The following SGCZ variants were observed in gnomAD, a reference collection of about 807,000 sequenced individuals.
The protein encoded by SGCZ is sarcoglycan zeta.
In SGCZ, 40 loss-of-function variants were observed where a neutral mutation model predicts 41.3. The ratio of observed to expected loss-of-function variants is 0.97; its 90% CI spans 0.75 to 1.26. SGCZ has a LOEUF of 1.26. Among genes scored for constraint, SGCZ ranks in the 50% most tolerant of loss-of-function variants. The probability of loss-of-function intolerance (pLI) is 0.00; values close to 1 mark genes in which losing one functional copy is unlikely to be tolerated. For synonymous variants in SGCZ, 206 were observed against 137.5 expected, an observed-to-expected ratio of 1.50 and a Z score of -3.49; for missense variants, 552 against 369.8, an observed-to-expected ratio of 1.49 and a Z score of -4.04.
At chr8:14,998,050 A>G (rs1318486108) in intron 1 of SGCZ, among the ~76,000 whole-genome samples, 1 of 152,218 alleles carries the variant, frequency 6.6e-6, no homozygotes, top group Admixed American at 6.5e-5. Context: ...CCCTTTTGTC[A>G]GAAACATTAA....
At chr8:14,989,772 A>G (rs1312885596) in intron 1 of SGCZ, among the ~76,000 whole-genome samples, 1 of 152,190 alleles carries the variant, frequency 6.6e-6, no homozygotes, top group Non-Finnish European at 1.5e-5. Context: ...AATAAGAGAA[A>G]TAGAGTTTCA....
At chr8:14,927,325 G>A (rs1021790917) in intron 1 of SGCZ, among the ~76,000 whole-genome samples, 1 of 151,694 alleles carries the variant, frequency 6.6e-6, no homozygotes, top group Non-Finnish European at 1.5e-5. Flanking sequence ...TAGCCAGGAT[G>A]GTGTCGATTT....
intron 2 of SGCZ, among the ~76,000 whole-genome samples, chr8:14,400,869 A>T (rs1799051969): frequency 6.6e-6 from 1 of 152,170 alleles, no homozygotes; most frequent in Admixed American, 6.6e-5. Context: ...TTGCTTGTGG[A>T]TCTCCAAAGA....
At chr8:14,717,871 G>A (rs980302715) in intron 1 of SGCZ, among the ~76,000 whole-genome samples, 1 of 151,768 alleles carries the variant, frequency 6.6e-6, no homozygotes, top group African/African-American at 2.4e-5. Flanking sequence ...CTATAACTGT[G>A]ATTTTCCAAG....
chr8:14,354,603 G>A (rs1367635840), intron 2 of SGCZ, among the ~76,000 whole-genome samples: 2 of 151,490 alleles, frequency 1.3e-5, no homozygotes, highest in Non-Finnish European at 3.0e-5. Context: ...AAACTAGAGA[G>A]TTTACAACAT....
At chr8:15,045,269 G>C (rs898717173) in intron 1 of SGCZ, among the ~76,000 whole-genome samples, 1 of 152,054 alleles carries the variant, frequency 6.6e-6, no homozygotes, top group Non-Finnish European at 1.5e-5. Context: ...TGGGAGATCA[G>C]AGACCTTTTA....
chr8:14,374,224 C>T (rs534968578), intron 2 of SGCZ, among the ~76,000 whole-genome samples: 1 of 152,072 alleles, frequency 6.6e-6, no homozygotes, highest in East Asian at 1.9e-4. Flanking sequence ...CACAAGTATA[C>T]AAAAATTAGC....
chr8:15,202,788 A>G (rs1038404611), intron 1 of SGCZ, among the ~76,000 whole-genome samples: 14 of 152,144 alleles, frequency 9.2e-5, no homozygotes, highest in African/African-American at 3.4e-4. Flanking sequence ...GAACTTAGGC[A>G]GGCTCACAGA....
chr8:14,731,417 G>C (rs927719243), intron 1 of SGCZ, among the ~76,000 whole-genome samples: 3 of 151,990 alleles, frequency 2.0e-5, no homozygotes, highest in African/African-American at 7.3e-5. Flanking sequence ...GAGAGTATTA[G>C]GAGAAATACC....
At chr8:14,377,638 C>G (rs1220727185) in intron 2 of SGCZ, among the ~76,000 whole-genome samples, 2 of 151,914 alleles carry the variant, frequency 1.3e-5, no homozygotes, top group South Asian at 4.2e-4. Context: ...ACTAACTCGT[C>G]ATCTAGCATT....
At chr8:15,172,640 T>C (rs1340467424) in intron 1 of SGCZ, among the ~76,000 whole-genome samples, 1 of 152,166 alleles carries the variant, frequency 6.6e-6, no homozygotes, top group African/African-American at 2.4e-5. Context: ...GAAACTCTTG[T>C]CAAATATCAA....
In SGCZ at chr8:14,687,154, A is replaced by T. The variant is rs1362677265; in HGVS notation, c.40-132228T>A. ...AGTTCATTTCCCAAGGCTTTTACTC[A>T]CTTTAAAGAAAAAAAAAATATATAT... On this transcript the variant is annotated intron_variant, in intron 1 of 7. Transcript: ENST00000382080. Among the ~76,000 whole-genome samples the T allele has an allele frequency of 7.0e-5, 10 of 142,492 alleles. No homozygotes were observed. In the East Asian group the frequency reaches 1.7e-3, roughly 24 times the overall value. The allele number at this position is 142,492 out of a possible 152,430, so 93.5% of individuals were successfully genotyped here. A position where few individuals can be genotyped will look rare whatever the true frequency, so the allele number is the denominator to read the frequency against.
At chr8:14,643,063 T>C (rs1317919672) in intron 1 of SGCZ, among the ~76,000 whole-genome samples, 1 of 151,692 alleles carries the variant, frequency 6.6e-6, no homozygotes, top group African/African-American at 2.4e-5. Context: ...TGTGCTATAC[T>C]ATTGCTTTCA....
At chr8:14,259,102 A>G (rs1799562505) in intron 3 of SGCZ, among the ~76,000 whole-genome samples, 1 of 152,164 alleles carries the variant, frequency 6.6e-6, no homozygotes, top group African/African-American at 2.4e-5. Context: ...GCCTTGGGTA[A>G]CCTCTAGTAT....
chr8:15,001,517 C>G (rs1346772273), intron 1 of SGCZ, among the ~76,000 whole-genome samples: 1 of 152,070 alleles, frequency 6.6e-6, no homozygotes, highest in Non-Finnish European at 1.5e-5. Context: ...ATCACGAGGT[C>G]AGGAGATCGA....
chr8:14,823,076 A>AAAAAAAAAAAAAAAAAAC (rs1802169546), intron 1 of SGCZ, among the ~76,000 whole-genome samples: 1 of 149,518 alleles, frequency 6.7e-6, no homozygotes, highest in Non-Finnish European at 1.5e-5. Context: ...AAAAAAAAAA[A>AAAAAAAAAAAAAAAAAAC]AGACTTCTGT....
At chr8:15,127,250 AC>A (rs1807734088) in intron 1 of SGCZ, among the ~76,000 whole-genome samples, 3 of 12,134 alleles carry the variant, frequency 2.5e-4, no homozygotes, top group Non-Finnish European at 3.7e-4. Flanking sequence ...ACACACACAC[AC>A]ACACAAACAA....
intron 4 of SGCZ, among the ~76,000 whole-genome samples, chr8:14,214,644 A>G (rs1805929882): frequency 6.6e-6 from 1 of 152,160 alleles, no homozygotes; most frequent in South Asian, 2.1e-4. Context: ...AATTTCAAAC[A>G]TAACAATATA....
intron 1 of SGCZ, among the ~76,000 whole-genome samples, chr8:14,634,208 G>A (rs991766452): frequency 6.6e-6 from 1 of 151,782 alleles, no homozygotes; most frequent in Non-Finnish European, 1.5e-5. Context: ...GACACAGTCA[G>A]ATTTTCATGA....
Sources: allele counts gnomAD v4.1 joint callset (sites outside exome capture counted in the v4.1 genomes callset), GRCh38; gene constraint gnomAD v4.1.1; transcripts MANE v1.5; gene names NCBI Gene and HGNC (gene_info 2026-07-23, HGNC 2026-07-21).